LIX1: variants seen among roughly 807,000 people sequenced by gnomAD.
LIX1 encodes protein limb expression 1 homolog.
Under a neutral mutation model 33.4 loss-of-function variants are expected in LIX1, and 24 were observed. That is an observed-to-expected ratio of 0.72 (90% CI 0.52 to 1.01). LIX1 has a LOEUF of 1.01. Ranked by LOEUF, LIX1 falls within the 50% of genes least tolerant of loss-of-function variation. The pLI is 0.00. For synonymous variants in LIX1, 124 were observed against 124.0 expected, an observed-to-expected ratio of 1.00 and a Z score of 0.00; for missense variants, 311 against 339.2, an observed-to-expected ratio of 0.92 and a Z score of 0.65.
chr5:97,111,836 C>T (rs116831103), intron 2 of LIX1, among the ~76,000 whole-genome samples: 10 of 152,172 alleles, frequency 6.6e-5, no homozygotes, highest in African/African-American at 1.9e-4. Flanking sequence ...AAGTGCAGCC[C>T]GGCTGAGAGA....
intron 1 of LIX1, among the ~76,000 whole-genome samples, chr5:97,134,765 T>G (rs1184261483): frequency 6.6e-6 from 1 of 152,212 alleles, no homozygotes. Context: ...GTCTAGTTGT[T>G]TCTAACTATA....
In LIX1 at chr5:97,094,880, T is replaced by C; in HGVS notation, c.717A>G (p.Gly239=). 1 of 1,614,224 alleles carries C rather than the reference T, an allele frequency of 6.2e-7. No individual in the cohort carries two copies. Among genetic ancestry groups the C allele is most frequent in the Non-Finnish European group, 8.5e-7 (1 of 1,180,048 alleles). The part of the protein sequence containing the change: ...LRQLEEARKA[G]QELRFYKEKK... Reference sequence around the variant, plus strand: ...TTTCTTTGTAAAACCGTAGTTCTTGTCCTGCTTTCCTGGCTTCCTCCAACT... The same window carrying C: ...TTTCTTTGTAAAACCGTAGTTCTTGCCCTGCTTTCCTGGCTTCCTCCAACT... Residue 239 remains glycine, a synonymous_variant, in exon 6 of 6, where the codon GGA becomes GGG. Transcript: ENST00000274382.
chr5:97,112,286 C>T (rs1747438586), intron 2 of LIX1, among the ~76,000 whole-genome samples: 1 of 152,152 alleles, frequency 6.6e-6, no homozygotes, highest in Non-Finnish European at 1.5e-5. Context: ...GCTGTAAGAA[C>T]AGGCACTGTT....
At chr5:97,110,860 G>A (rs1243433408) in intron 2 of LIX1, among the ~76,000 whole-genome samples, 1 of 152,016 alleles carries the variant, frequency 6.6e-6, no homozygotes, top group Non-Finnish European at 1.5e-5. Flanking sequence ...AGAAGGCTTT[G>A]GGGGAAGCTT....
intron 2 of LIX1, among the ~76,000 whole-genome samples, chr5:97,108,606 C>G (rs540420278): frequency 6.6e-6 from 1 of 152,290 alleles, no homozygotes; most frequent in East Asian, 1.9e-4. Flanking sequence ...TTGATGGCCT[C>G]TCTCCTACAG....
intron 1 of LIX1, chr5:97,137,234 A>C: frequency 2.8e-6 from 1 of 353,176 alleles, no homozygotes; most frequent in Admixed American, 3.5e-5. Context: ...ACCTCTGGTG[A>C]GATGGGAGAG....
intron 4 of LIX1, among the ~76,000 whole-genome samples, chr5:97,100,736 T>C (rs987626432): frequency 1.3e-5 from 2 of 152,028 alleles, no homozygotes; most frequent in African/African-American, 2.4e-5. Context: ...TGCTGCCTGG[T>C]GTTCGCTGGC....
chr5:97,133,767 T>C (rs941320758), intron 1 of LIX1, among the ~76,000 whole-genome samples: 3 of 152,208 alleles, frequency 2.0e-5, no homozygotes. Context: ...CACTTTCCCA[T>C]GGATGCTAAA....
At chr5:97,103,658 A>T (rs748363102) in intron 4 of LIX1, among the ~76,000 whole-genome samples, 17 of 152,194 alleles carry the variant, frequency 1.1e-4, no homozygotes, top group Non-Finnish European at 1.9e-4. Context: ...GACCTTGGCC[A>T]CTTAAGGATA....
chr5:97,108,280 G>A (rs1435116564), intron 2 of LIX1, among the ~76,000 whole-genome samples: 1 of 152,154 alleles, frequency 6.6e-6, no homozygotes, highest in Non-Finnish European at 1.5e-5. Flanking sequence ...AATCCATGCG[G>A]TTTTGCTGGG....
At chr5:97,100,566 T>A (rs1746641257) in intron 4 of LIX1, among the ~76,000 whole-genome samples, 1 of 152,220 alleles carries the variant, frequency 6.6e-6, no homozygotes, top group South Asian at 2.1e-4. Flanking sequence ...AAGACCAAAT[T>A]CACTCTCTTC....
intron 2 of LIX1, among the ~76,000 whole-genome samples, chr5:97,112,324 C>G (rs1747442590): frequency 3.3e-5 from 5 of 152,186 alleles, no homozygotes; most frequent in Admixed American, 2.6e-4. Context: ...GTGGGAAACA[C>G]TGTAAGAAAA....
intron 1 of LIX1, among the ~76,000 whole-genome samples, chr5:97,124,977 T>C (rs1174543616): frequency 1.3e-5 from 2 of 152,294 alleles, no homozygotes; most frequent in South Asian, 4.1e-4. Context: ...AAATTAAAAA[T>C]CTCATTCTGC....
At chr5:97,105,386 G>C (rs531285469) in intron 3 of LIX1, 101 bp from the exon 4 acceptor site, 51 of 939,976 alleles carry the variant, frequency 5.4e-5, no homozygotes, top group Non-Finnish European at 7.7e-5. Flanking sequence ...CCTATTTTTG[G>C]TCTAACCTGA....
chr5:97,131,844 C>T (rs973844841), intron 1 of LIX1, among the ~76,000 whole-genome samples: 1 of 152,232 alleles, frequency 6.6e-6, no homozygotes, highest in African/African-American at 2.4e-5. Context: ...CACGGATAGA[C>T]CACCATGGTG....
In LIX1 at chr5:97,137,252, T is replaced by G. The variant is rs188018882; in HGVS notation, c.82+5243A>C. 1.3e-5 allele frequency: 4 copies of G among 310,178 alleles called. No individual in the cohort carries two copies. The East Asian group carries it at 3.5e-4, about 27-fold the overall frequency. The allele number at this position is 310,178 out of a possible 1,614,324, so 19.2% of individuals were successfully genotyped here. ...TCTGGTGAGATGGGAGAGCAGTCAA[T>G]GAAGAGGTCCCAGATTTGATCTCAC... On this transcript the variant is annotated intron_variant, in intron 1 of 5. Transcript: ENST00000274382.
At chr5:97,141,358 T>C (rs541459994) in intron 1 of LIX1, among the ~76,000 whole-genome samples, 1 of 152,254 alleles carries the variant, frequency 6.6e-6, no homozygotes, top group East Asian at 1.9e-4. Flanking sequence ...AGATCTAACA[T>C]AGTTATTGGC....
At chr5:97,112,429 A>C (rs1338814237) in intron 2 of LIX1, among the ~76,000 whole-genome samples, 1 of 152,226 alleles carries the variant, frequency 6.6e-6, no homozygotes, top group East Asian at 1.9e-4. Context: ...ATGTTATTTC[A>C]AAGTAACTTC....
At chr5:97,129,717 A>G (rs937011623) in intron 1 of LIX1, among the ~76,000 whole-genome samples, 15 of 152,228 alleles carry the variant, frequency 9.9e-5, no homozygotes, top group Non-Finnish European at 1.8e-4. Flanking sequence ...TCTGTAATAT[A>G]GACAATGCTC....
Sources: gnomAD v4.1 joint callset for allele counts (sites outside exome capture counted in the v4.1 genomes callset) on GRCh38, gnomAD v4.1.1 for gene constraint, MANE v1.5 for transcripts, NCBI Gene and HGNC (gene_info 2026-07-23, HGNC 2026-07-21) for gene names.